Variants in KCNU1 observed in about 807,000 individuals in gnomAD.
The protein encoded by KCNU1 is potassium channel subfamily U member 1.
Under a neutral mutation model 126.8 loss-of-function variants are expected in KCNU1, and 93 were observed. That is an observed-to-expected ratio of 0.73 (90% CI 0.62 to 0.87). The LOEUF is 0.87. Ranked by LOEUF, KCNU1 falls within the 40% of genes least tolerant of loss-of-function variation. The pLI, the probability that KCNU1 is intolerant of heterozygous loss-of-function variation, is 0.00. For synonymous variants in KCNU1, 523 were observed against 494.2 expected (o/e 1.06, Z -0.77); for missense variants, 1,330 against 1,367.1 (o/e 0.97, Z 0.43).
intron 18 of KCNU1, among the ~76,000 whole-genome samples, chr8:36,862,611 A>G (rs1404505509): frequency 6.6e-6 from 1 of 152,178 alleles, no homozygotes; most frequent in Non-Finnish European, 1.5e-5. Context: ...TCAAAATTAT[A>G]AAAGTCATTA....
chr8:36,913,203 CA>C (rs927634672), intron 22 of KCNU1, among the ~76,000 whole-genome samples: 2 of 151,464 alleles, frequency 1.3e-5, no homozygotes, highest in African/African-American at 4.9e-5. Context: ...ATTCAATCAA[CA>C]AAAAAATATT....
At chr8:36,816,452 C>T (rs76670700) in intron 9 of KCNU1, among the ~76,000 whole-genome samples, 2,229 of 152,226 alleles carry the variant, frequency 0.015, 54 homozygotes, top group African/African-American at 0.049. Context: ...TCCCTGAAAG[C>T]AGTCTCTTAA....
chr8:36,905,850 C>A lies in KCNU1; in HGVS notation c.2106+46C>A, dbSNP rs752223225. 28 of 899,230 alleles carry A rather than the reference C, an allele frequency of 3.1e-5. No individual in the cohort carries two copies. In the African/African-American group the frequency reaches 4.4e-4, roughly 14 times the overall value. 55.7% of individuals were successfully genotyped at this position (899,230 alleles called of 1,614,324 possible). A position where few individuals can be genotyped will look rare whatever the true frequency, so the allele number is the denominator to read the frequency against. ...AAATCTCAAATAAGATAAAGCATTT[C>A]GTAGGGTAAGTGATGTTCTTGTTAG... On this transcript the variant is annotated intron_variant, in intron 20 of 26. Coordinates refer to ENST00000399881, the MANE Select transcript of KCNU1 (RefSeq NM_001031836.3).
intron 12 of KCNU1, among the ~76,000 whole-genome samples, chr8:36,836,058 T>A (rs1585435380): frequency 6.6e-6 from 1 of 152,186 alleles, no homozygotes; most frequent in East Asian, 1.9e-4. Context: ...AAGAACACAG[T>A]CTTCTAACAC....
chr8:36,868,227 GTTTGTGTTTGT>G (rs1369248941), intron 19 of KCNU1, among the ~76,000 whole-genome samples: 1 of 152,110 alleles, frequency 6.6e-6, no homozygotes, highest in Non-Finnish European at 1.5e-5. Flanking sequence ...ATAGAAAACA[GTTTGTGTTTGT>G]TTTGTGTTTA....
rs569733183 is a variant in KCNU1 at position 36,846,212 on chromosome 8, C to T, written c.1891+313C>T. On this transcript the variant is annotated intron_variant, in intron 18 of 26. Transcript: ENST00000399881. ...ATCCCAGGCATGCTGACTTTCAGCC[C>T]ATTGCTTTTTCATGATTTCACAGTT... 1.6e-3 allele frequency among the ~76,000 whole-genome samples: 246 copies of T among 152,302 alleles called. 1 individual carries two copies. Among genetic ancestry groups the T allele is most frequent in the Admixed American group, 2.7e-3 (42 of 15,302 alleles).
At chr8:36,786,956 T>C (rs1802730839) in intron 1 of KCNU1, among the ~76,000 whole-genome samples, 3 of 152,174 alleles carry the variant, frequency 2.0e-5, no homozygotes, top group Admixed American at 1.3e-4. Flanking sequence ...CGTATCTTGA[T>C]GAAAACTGCT....
chr8:36,878,794 T>C (rs1806362363), intron 19 of KCNU1, among the ~76,000 whole-genome samples: 1 of 148,518 alleles, frequency 6.7e-6, no homozygotes, highest in Non-Finnish European at 1.5e-5. Flanking sequence ...TAATTATACA[T>C]ATATATCTGC....
chr8:36,875,406 TTA>T (rs1365310087), intron 19 of KCNU1, among the ~76,000 whole-genome samples: 2 of 148,926 alleles, frequency 1.3e-5, no homozygotes, highest in African/African-American at 2.4e-5. Context: ...TAATAGTGTT[TTA>T]TATATGTTAT....
intron 15 of KCNU1, 38 bp from the exon 16 acceptor site, chr8:36,840,894 C>A: frequency 7.0e-7 from 1 of 1,432,188 alleles, no homozygotes; most frequent in Non-Finnish European, 9.9e-7. Flanking sequence ...GTTCACTGAC[C>A]GCTTGCTCTC....
chr8:36,802,108 CAAAAAAAAAAAA>C (rs749026223), intron 2 of KCNU1, among the ~76,000 whole-genome samples: 5 of 72,358 alleles, frequency 6.9e-5, no homozygotes, highest in South Asian at 5.9e-4. Context: ...AACTCCGTCT[CAAAAAAAAAAAA>C]AAAAAAAAAA....
At chr8:36,917,662 T>A (rs995882343) in intron 22 of KCNU1, among the ~76,000 whole-genome samples, 131 of 152,194 alleles carry the variant, frequency 8.6e-4, no homozygotes, top group African/African-American at 3.1e-3. Flanking sequence ...AACCTTCTAT[T>A]CCATTTCTTT....
intron 6 of KCNU1, 104 bp downstream of exon 6, chr8:36,807,554 T>G (rs747419229): frequency 2.9e-4 from 248 of 853,716 alleles, no homozygotes; most frequent in Non-Finnish European, 4.3e-4. Flanking sequence ...AGAATTTCAG[T>G]GCAAAGATCA....
intron 19 of KCNU1, among the ~76,000 whole-genome samples, chr8:36,887,568 G>T (rs77605364): frequency 1.3e-5 from 2 of 150,248 alleles, no homozygotes; most frequent in Non-Finnish European, 2.9e-5. Context: ...TCTGGAAACC[G>T]GCCAGAACCA....
intron 7 of KCNU1, among the ~76,000 whole-genome samples, chr8:36,809,232 A>G (rs1157698559): frequency 6.6e-6 from 1 of 152,118 alleles, no homozygotes; most frequent in Non-Finnish European, 1.5e-5. Context: ...TCCTGAAATC[A>G]ATCTGTACAC....
At chr8:36,834,962 C>T in intron 12 of KCNU1, 94 bp downstream of exon 12, 1 of 803,070 alleles carries the variant, frequency 1.2e-6, no homozygotes, top group Non-Finnish European at 2.0e-6. Context: ...GAGAAAATGT[C>T]GTCTATCATA....
intron 25 of KCNU1, 83 bp downstream of exon 25, chr8:36,931,228 A>G: frequency 1.2e-6 from 1 of 831,202 alleles, no homozygotes; most frequent in Non-Finnish European, 1.9e-6. Flanking sequence ...ATTTGGGTTC[A>G]TAGATGTCCC....
Position 36,935,769 on chromosome 8 carries a change from C to CTT in KCNU1, c.3302_3303dup (p.Pro1102PhefsTer5). 1 of 1,613,486 alleles carries CTT rather than the reference C, an allele frequency of 6.2e-7. No homozygotes were observed. Among genetic ancestry groups the CTT allele is most frequent in the Admixed American group, 1.7e-5 (1 of 59,958 alleles). On this transcript the variant is annotated frameshift_variant, in exon 27 of 27. Transcript: ENST00000399881. LOFTEE classifies it low-confidence loss of function (END_TRUNC). ...TACCAGCCGAGAACTAACTCCCTCT[C>CTT]TTTTCCTAAGCAAATAGCATGGAAT...
At chr8:36,790,686 A>G (rs1290605905) in intron 2 of KCNU1, among the ~76,000 whole-genome samples, 1 of 152,168 alleles carries the variant, frequency 6.6e-6, no homozygotes, top group Non-Finnish European at 1.5e-5. Flanking sequence ...TCAAAGACCC[A>G]TAATCATCTT....
Sources: allele counts gnomAD v4.1 joint callset (sites outside exome capture counted in the v4.1 genomes callset), GRCh38; gene constraint gnomAD v4.1.1; transcripts MANE v1.5; gene names NCBI Gene and HGNC (gene_info 2026-07-23, HGNC 2026-07-21).